Variants in KCND3 observed in about 807,000 individuals in gnomAD.
KCND3 encodes potassium voltage-gated channel subfamily D member 3, also known as A-type voltage-gated potassium channel KCND3.
A neutral mutation model predicts 51.1 loss-of-function variants in KCND3; 9 were observed. The observed-to-expected ratio is 0.18, with a 90% CI of 0.11 to 0.31. The LOEUF (loss-of-function observed/expected upper bound fraction) is 0.31, where lower values mean the gene tolerates loss of function less well. Ranked by LOEUF, KCND3 falls within the 10% of genes least tolerant of loss-of-function variation. KCND3 has a pLI of 1.00. For synonymous variants in KCND3, 349 were observed against 368.0 expected, an observed-to-expected ratio of 0.95 and a Z score of 0.59; for missense variants, 526 against 903.8, an observed-to-expected ratio of 0.58 and a Z score of 5.36.
intron 2 of KCND3, among the ~76,000 whole-genome samples, chr1:111,926,276 T>C (rs1361132901): frequency 6.6e-6 from 1 of 152,210 alleles, no homozygotes; most frequent in Non-Finnish European, 1.5e-5. Flanking sequence ...AGAACAACTG[T>C]GGGAGTAGCA....
intron 2 of KCND3, among the ~76,000 whole-genome samples, chr1:111,842,491 G>C (rs1023476985): frequency 6.6e-6 from 1 of 152,200 alleles, no homozygotes; most frequent in African/African-American, 2.4e-5. Context: ...GTCCAGGCTG[G>C]GAAAGATGCA....
chr1:111,929,225 T>A (rs1267513468), intron 2 of KCND3, among the ~76,000 whole-genome samples: 1 of 152,156 alleles, frequency 6.6e-6, no homozygotes, highest in African/African-American at 2.4e-5. Flanking sequence ...GGTCACCACC[T>A]CGGTTCTCTG....
chr1:111,866,302 G>C (rs1345123194), intron 2 of KCND3, among the ~76,000 whole-genome samples: 5 of 115,248 alleles, frequency 4.3e-5, no homozygotes, highest in African/African-American at 1.8e-4. Flanking sequence ...GCTCTGTTGT[G>C]CAGGCTGGAT....
chr1:111,978,200 G>A (rs910757112), intron 2 of KCND3, among the ~76,000 whole-genome samples: 12 of 152,216 alleles, frequency 7.9e-5, no homozygotes, highest in Admixed American at 5.2e-4. Flanking sequence ...CGAGGTGCTG[G>A]GAAAGCAGGC....
intron 2 of KCND3, among the ~76,000 whole-genome samples, chr1:111,919,639 T>TA (rs1457549495): frequency 6.6e-6 from 1 of 152,120 alleles, no homozygotes; most frequent in African/African-American, 2.4e-5. Context: ...ACCAAAGTGG[T>TA]CCCCAATTCA....
At chr1:111,964,627 G>A (rs1042913757) in intron 2 of KCND3, among the ~76,000 whole-genome samples, 7 of 152,218 alleles carry the variant, frequency 4.6e-5, no homozygotes, top group Admixed American at 1.3e-4. Context: ...CTAACTCAGA[G>A]GGGCTCCTCT....
At chr1:111,805,452 A>G (rs1665521333) in intron 2 of KCND3, among the ~76,000 whole-genome samples, 1 of 152,196 alleles carries the variant, frequency 6.6e-6, no homozygotes, top group African/African-American at 2.4e-5. Flanking sequence ...TCTGTCTCCC[A>G]GTTGGTAGGT....
In KCND3 at chr1:111,918,857, C is replaced by A. The variant is rs1305007132; in HGVS notation, c.1106+62764G>T. Among the ~76,000 whole-genome samples, 4 of 151,996 alleles carry A rather than the reference C, an allele frequency of 2.6e-5. No individual in the cohort carries two copies. In the East Asian group the frequency reaches 7.7e-4, roughly 29 times the overall value. On this transcript the variant is annotated intron_variant, in intron 2 of 7. Transcript: ENST00000302127. Reference sequence around the variant, plus strand: ...ATTATTTTTCTGTGCATGGGTTATACCCTCAAGATTTTGCCACCTAATGAA... The same window carrying A: ...ATTATTTTTCTGTGCATGGGTTATAACCTCAAGATTTTGCCACCTAATGAA...
chr1:111,880,409 G>A (rs1669247209), intron 2 of KCND3, among the ~76,000 whole-genome samples: 1 of 152,116 alleles, frequency 6.6e-6, no homozygotes, highest in Non-Finnish European at 1.5e-5. Flanking sequence ...AGCCAGCCAG[G>A]GTGGAATCTA....
chr1:111,832,807 T>A (rs1666900799), intron 2 of KCND3, among the ~76,000 whole-genome samples: 1 of 152,206 alleles, frequency 6.6e-6, no homozygotes, highest in African/African-American at 2.4e-5. Flanking sequence ...CATCAAGATG[T>A]CTTTATAACT....
Position 111,889,922 on chromosome 1 carries a change from C to T in KCND3, c.1106+91699G>A, listed in dbSNP as rs929828339. On this transcript the variant is annotated intron_variant, in intron 2 of 7. Coordinates refer to ENST00000302127, the MANE Select transcript of KCND3 (RefSeq NM_001378969.1). Reference sequence around the variant, plus strand: ...ATCTCTGAGATGTGTGAATTTCAGGCAGTGGGAACAGCCAATGAAAATGTC... The same window carrying T: ...ATCTCTGAGATGTGTGAATTTCAGGTAGTGGGAACAGCCAATGAAAATGTC... 2.6e-5 allele frequency among the ~76,000 whole-genome samples: 4 copies of T among 152,012 alleles called. No homozygotes were observed. In the South Asian group the frequency reaches 8.3e-4, roughly 32 times the overall value.
At chr1:111,976,709 G>C (rs1172955321) in intron 2 of KCND3, among the ~76,000 whole-genome samples, 2 of 152,236 alleles carry the variant, frequency 1.3e-5, no homozygotes, top group Non-Finnish European at 2.9e-5. Context: ...AGCTCCTGGA[G>C]GTGACGTGGG....
intron 2 of KCND3, among the ~76,000 whole-genome samples, chr1:111,855,916 C>T (rs187695325): frequency 3.8e-4 from 58 of 152,270 alleles, no homozygotes; most frequent in Non-Finnish European, 7.2e-4. Flanking sequence ...AGAAACGGCC[C>T]CCTCAAGAGG....
chr1:111,945,177 C>T (rs1672720321), intron 2 of KCND3, among the ~76,000 whole-genome samples: 1 of 152,222 alleles, frequency 6.6e-6, no homozygotes. Flanking sequence ...GGGCACCCCT[C>T]CTCCTGCAGG....
At chr1:111,917,654 G>A (rs1056619095) in intron 2 of KCND3, among the ~76,000 whole-genome samples, 3 of 152,174 alleles carry the variant, frequency 2.0e-5, no homozygotes, top group African/African-American at 4.8e-5. Flanking sequence ...AGGCCATTAG[G>A]ACTCCAAATC....
At chr1:111,884,417 C>T (rs967755221) in intron 2 of KCND3, among the ~76,000 whole-genome samples, 2 of 152,214 alleles carry the variant, frequency 1.3e-5, no homozygotes, top group Non-Finnish European at 2.9e-5. Flanking sequence ...ACTGACATTT[C>T]CCCAGGACTT....
chr1:111,898,533 C>G (rs17029011), intron 2 of KCND3, among the ~76,000 whole-genome samples: 3,020 of 152,290 alleles, frequency 0.02, 104 homozygotes, highest in African/African-American at 0.069. Context: ...TTCATTTGCC[C>G]CTTGGTCCCT....
chr1:111,914,582 G>A (rs956244588), intron 2 of KCND3, among the ~76,000 whole-genome samples: 1 of 152,172 alleles, frequency 6.6e-6, no homozygotes, highest in Admixed American at 6.5e-5. Flanking sequence ...GCAGACTCTT[G>A]TCATAAATTA....
intron 1 of KCND3, among the ~76,000 whole-genome samples, chr1:111,983,982 T>G (rs750885299): frequency 7.9e-5 from 12 of 152,178 alleles, no homozygotes; most frequent in Non-Finnish European, 1.3e-4. Flanking sequence ...TGGGAAGGCA[T>G]GTGGTGACAC....
Sources: allele counts gnomAD v4.1 joint callset (sites outside exome capture counted in the v4.1 genomes callset), GRCh38; gene constraint gnomAD v4.1.1; transcripts MANE v1.5; gene names NCBI Gene and HGNC (gene_info 2026-07-23, HGNC 2026-07-21).